The following NCOR1 variants were observed in gnomAD, a reference collection of about 807,000 sequenced individuals.
NCOR1 encodes nuclear receptor corepressor 1, also known as protein phosphatase 1, regulatory subunit 109.
A neutral mutation model predicts 288.1 loss-of-function variants in NCOR1; 63 were observed. The observed-to-expected ratio is 0.22, with a 90% CI of 0.18 to 0.27. The LOEUF is 0.27. NCOR1 is among the 10% of genes least tolerant of loss of function. The pLI, the probability that NCOR1 is intolerant of heterozygous loss-of-function variation, is 1.00. For synonymous variants in NCOR1, 1,007 were observed against 1,065.9 expected (o/e 0.94, Z 1.08); for missense variants, 2,397 against 3,019.2 (o/e 0.79, Z 4.83).
chr17:16,087,408 G>C, intron 22 of NCOR1: 1 of 1,139,222 alleles, frequency 8.8e-7, no homozygotes. Flanking sequence ...AAGTGTGAAA[G>C]GACCAAGCCC....
Position 16,080,666 on chromosome 17 carries a change from T to C in NCOR1, c.3239A>G (p.Lys1080Arg). 6.2e-7 allele frequency: 1 copy of C among 1,614,142 alleles called. No individual in the cohort carries two copies. Among genetic ancestry groups the C allele is most frequent in the Non-Finnish European group, 8.5e-7 (1 of 1,180,002 alleles). The change falls in exon 24 of 46, where the codon AAG becomes AGG. Residue 1080 changes from lysine to arginine, a missense_variant. Around this residue, in one of 11 missense-constraint regions of NCOR1, gnomAD observed 1,872 missense variants for 2,187.8 expected, o/e 0.86. Coordinates refer to ENST00000268712, the MANE Select transcript of NCOR1 (RefSeq NM_006311.4). ...AAGAGAGATAGATCCCACTGACGGCTTGGGTGTTTCTTGAGTGTAGGAAGC... is the reference window on the plus strand; with the variant it reads ...AAGAGAGATAGATCCCACTGACGGCCTGGGTGTTTCTTGAGTGTAGGAAGC... Reference protein sequence around the residue: ...NQASYTQETPKPSVGSISLGL... With the variant: ...NQASYTQETPRPSVGSISLGL...
intron 23 of NCOR1, among the ~76,000 whole-genome samples, chr17:16,085,705 T>G (rs532552252): frequency 6.6e-6 from 1 of 152,162 alleles, no homozygotes; most frequent in South Asian, 2.1e-4. Flanking sequence ...CTTCAGGCAG[T>G]GGAAGGGGAG....
At chr17:16,174,648 A>G (rs2083755618) in intron 3 of NCOR1, among the ~76,000 whole-genome samples, 1 of 152,184 alleles carries the variant, frequency 6.6e-6, no homozygotes, top group Non-Finnish European at 1.5e-5. Flanking sequence ...CTCAGCCATA[A>G]ATAAATATAT....
At chr17:16,080,834 ATTATACCCCTTCTACCC>A in intron 23 of NCOR1, 107 bp from the exon 24 acceptor site, 19 of 1,033,412 alleles carry the variant, frequency 1.8e-5, no homozygotes, top group Non-Finnish European at 2.5e-5. Context: ...AAAAAAAAAA[ATTATACCCCTTCTACCC>A]AAAACCAAGA....
intron 1 of NCOR1, among the ~76,000 whole-genome samples, chr17:16,201,318 G>C (rs1025976516): frequency 6.6e-6 from 1 of 152,096 alleles, no homozygotes; most frequent in African/African-American, 2.4e-5. Context: ...AGTAATTCTG[G>C]CCAGGCACAG....
intron 37 of NCOR1, among the ~76,000 whole-genome samples, chr17:16,060,657 T>A (rs573721679): frequency 6.6e-6 from 1 of 152,170 alleles, no homozygotes; most frequent in Non-Finnish European, 1.5e-5. Context: ...TTCTGGAGCA[T>A]GAGAAATCAT....
intron 23 of NCOR1, among the ~76,000 whole-genome samples, chr17:16,082,007 G>A (rs2063485388): frequency 6.6e-6 from 1 of 152,180 alleles, no homozygotes; most frequent in Non-Finnish European, 1.5e-5. Flanking sequence ...CACATAAAGA[G>A]CACCCCTCAG....
In NCOR1 at chr17:16,039,540, C is replaced by T; in HGVS notation, c.6848G>A (p.Gly2283Glu). ...TCCCATAGGCTGGGACATGACAACT[C>T]CATGATCCTCAACTTTGTCATCAAA... ...GSFDDKVEDH[G>E]VVMSQPMGVV... The change falls in exon 44 of 46, where the codon GGA becomes GAA. Residue 2283 changes from glycine to glutamate, a missense_variant. Physicochemically the swap from Gly to Glu is moderately conservative, Grantham distance 98. Around this residue, in one of 11 missense-constraint regions of NCOR1, gnomAD observed 1,872 missense variants for 2,187.8 expected, o/e 0.86. Coordinates refer to ENST00000268712, the MANE Select transcript of NCOR1 (RefSeq NM_006311.4). 6.2e-7 allele frequency: 1 copy of T among 1,614,078 alleles called. No individual in the cohort carries two copies. Among genetic ancestry groups the T allele is most frequent in the East Asian group, 2.2e-5 (1 of 44,866 alleles).
Position 16,086,406 on chromosome 17 carries a change from A to G in NCOR1, c.3053T>C (p.Leu1018Pro). 1 of 1,613,898 alleles carries G rather than the reference A, an allele frequency of 6.2e-7. No individual in the cohort carries two copies. Among genetic ancestry groups the G allele is most frequent in the Non-Finnish European group, 8.5e-7 (1 of 1,179,836 alleles). ...TGTCGGAAGCCGAACGCCTTCAGGG[A>G]GATTAGTTATCACTTGATGTGGAGC... ...QPAPHQVITNLPEGVRLPTTR... is the reference protein window; with the variant it reads ...QPAPHQVITNPPEGVRLPTTR... Residue 1018 changes from leucine (L) to proline (P), a missense_variant, in exon 23 of 46, where the codon CTC (leucine) becomes CCC (proline). Leu to Pro is a moderately conservative substitution (Grantham distance 98). This residue lies in a region of NCOR1 where 1,872 missense variants were observed against 2,187.8 expected (regional missense o/e 0.86). Coordinates refer to ENST00000268712, the MANE Select transcript of NCOR1 (RefSeq NM_006311.4).
intron 35 of NCOR1, 85 bp downstream of exon 35, chr17:16,063,983 A>T: frequency 7.0e-7 from 1 of 1,434,854 alleles, no homozygotes; most frequent in Non-Finnish European, 9.2e-7. Context: ...GTTTCCATCA[A>T]AACTTTTTGT....
chr17:16,184,797 A>C (rs1288492725), intron 3 of NCOR1, among the ~76,000 whole-genome samples: 1 of 152,188 alleles, frequency 6.6e-6, no homozygotes, highest in Non-Finnish European at 1.5e-5. Flanking sequence ...CACAATAGCC[A>C]AGATATAAAA....
rs79796859 is a variant in NCOR1, at chr17:16,078,198, A to G, written c.3501+1766T>C. On this transcript the variant is annotated intron_variant, in intron 26 of 45. Coordinates refer to ENST00000268712, the MANE Select transcript of NCOR1 (RefSeq NM_006311.4). ...GGTGTAAAATAGGAGTTAGAGGCCT[A>G]GACTGAGTTTACTCACATTTAGGGT... is the stretch of plus-strand genomic sequence containing the variant. Among the ~76,000 whole-genome samples, 27 of 152,360 alleles carry G rather than the reference A, an allele frequency of 1.8e-4. 1 individual carries two copies. The East Asian group carries it at 4.6e-3, about 26-fold the overall frequency.
At chr17:16,092,647 T>TTTTATATATA (rs1340274279) in intron 21 of NCOR1, among the ~76,000 whole-genome samples, 3 of 32,134 alleles carry the variant, frequency 9.3e-5, no homozygotes, top group African/African-American at 2.6e-4. Flanking sequence ...TCAGATCCAT[T>TTTTATATATA]TATATATATA....
At chr17:16,210,332 T>G (rs1421022943) in intron 1 of NCOR1, among the ~76,000 whole-genome samples, 1 of 152,130 alleles carries the variant, frequency 6.6e-6, no homozygotes, top group Non-Finnish European at 1.5e-5. Flanking sequence ...TATGGTGACC[T>G]GAGACAGCGC....
chr17:16,092,878 T>G (rs547562092), intron 21 of NCOR1, among the ~76,000 whole-genome samples: 2 of 150,526 alleles, frequency 1.3e-5, no homozygotes, highest in African/African-American at 4.9e-5. Flanking sequence ...TTTCTATTTT[T>G]TTTTTAGTAG....
At chr17:16,097,450 G>A (rs2066845302) in intron 21 of NCOR1, among the ~76,000 whole-genome samples, 1 of 152,198 alleles carries the variant, frequency 6.6e-6, no homozygotes, top group Non-Finnish European at 1.5e-5. Context: ...GAGGAGAGGG[G>A]CTAAAGGTTC....
intron 18 of NCOR1, among the ~76,000 whole-genome samples, chr17:16,114,830 C>T (rs142672413): frequency 8.4e-4 from 128 of 152,300 alleles, no homozygotes; most frequent in African/African-American, 2.7e-3. Context: ...TGAGTGTCTG[C>T]GGCTTTTCCA....
chr17:16,040,345 C>T, intron 43 of NCOR1, 96 bp downstream of exon 43: 1 of 1,004,842 alleles, frequency 1.0e-6, no homozygotes, highest in Non-Finnish European at 1.6e-6. Flanking sequence ...AGAGCAGTCA[C>T]TCCCCTGGTA....
rs1000480390 is a variant in NCOR1 at position 16,094,888 on chromosome 17, G to A, written c.2821-2830C>T. Among the ~76,000 whole-genome samples, 4 of 152,342 alleles carry A rather than the reference G, an allele frequency of 2.6e-5. No individual in the cohort carries two copies. The East Asian group carries it at 7.7e-4, about 29-fold the overall frequency. Reference sequence around the variant, plus strand: ...AGTGCTCAATGGTGCCCAGGCTGGAGTGCAGTGGCGTGATCTCGGCTCGCT... The same window carrying A: ...AGTGCTCAATGGTGCCCAGGCTGGAATGCAGTGGCGTGATCTCGGCTCGCT... On this transcript the variant is annotated intron_variant, in intron 21 of 45. Transcript: ENST00000268712.
Sources: gnomAD v4.1 joint callset for allele counts (sites outside exome capture counted in the v4.1 genomes callset) on GRCh38, gnomAD v4.1.1 for gene constraint, gnomAD v4.1.1 regional missense constraint, MANE v1.5 for transcripts, NCBI Gene and HGNC (gene_info 2026-07-23, HGNC 2026-07-21) for gene names.